SLC4A5: variants seen among roughly 807,000 people sequenced by gnomAD.
SLC4A5 encodes the protein solute carrier family 4 member 5.
In SLC4A5, 96 loss-of-function variants were observed where a neutral mutation model predicts 120.4. That is an observed-to-expected ratio of 0.80 (90% CI 0.68 to 0.94). The LOEUF (loss-of-function observed/expected upper bound fraction) is 0.94. SLC4A5 is among the 40% of genes least tolerant of loss of function. SLC4A5 has a pLI of 0.00. For synonymous variants in SLC4A5, 550 were observed against 571.1 expected (o/e 0.96, Z 0.53); for missense variants, 1,259 against 1,459.5 (o/e 0.86, Z 2.24).
intron 9 of SLC4A5, among the ~76,000 whole-genome samples, 190 bp from the exon 10 acceptor site, chr2:74,264,489 C>CGTGTGTGTGTGTGTGTGTGT (rs59538523): frequency 0.032 from 4,588 of 143,632 alleles, 86 homozygotes; most frequent in Middle Eastern, 0.048. Context: ...TTCAAGGGCA[C>CGTGTGTGTGTGTGTGTGTGT]GTGTGTGTGT....
chr2:74,243,576 C>T (rs1416439776), intron 19 of SLC4A5, among the ~76,000 whole-genome samples: 2 of 152,190 alleles, frequency 1.3e-5, no homozygotes, highest in African/African-American at 2.4e-5. Flanking sequence ...ATGATGGAGA[C>T]AGAGAAGCCG....
chr2:74,289,878 T>TATAAA (rs1023480620), intron 7 of SLC4A5, among the ~76,000 whole-genome samples: 2 of 152,118 alleles, frequency 1.3e-5, no homozygotes, highest in South Asian at 4.1e-4. Flanking sequence ...GAAAATAAAA[T>TATAAA]ATAAAATAAA....
intron 6 of SLC4A5, among the ~76,000 whole-genome samples, chr2:74,305,789 A>G (rs1672625456): frequency 6.9e-6 from 1 of 145,546 alleles, no homozygotes; most frequent in Non-Finnish European, 1.5e-5. Context: ...CAGTGGCACA[A>G]TCTTGGCTCA....
chr2:74,279,294 T>G (rs1671738241), intron 8 of SLC4A5, among the ~76,000 whole-genome samples: 1 of 152,210 alleles, frequency 6.6e-6, no homozygotes, highest in Admixed American at 6.5e-5. Context: ...CTACCCCTCC[T>G]CAGACTGCGG....
chr2:74,277,267 C>T (rs541184720), intron 8 of SLC4A5, among the ~76,000 whole-genome samples: 5 of 152,168 alleles, frequency 3.3e-5, no homozygotes, highest in East Asian at 1.9e-4. Flanking sequence ...GTACTGCTGC[C>T]GGCCAGGAGC....
chr2:74,293,368 T>C (rs1306177649), intron 7 of SLC4A5, among the ~76,000 whole-genome samples: 1 of 152,144 alleles, frequency 6.6e-6, no homozygotes, highest in South Asian at 2.1e-4. Context: ...CCTCCTCCCA[T>C]AAGGATGACC....
chr2:74,332,474 A>C (rs1219408558), intron 4 of SLC4A5, among the ~76,000 whole-genome samples: 1 of 152,104 alleles, frequency 6.6e-6, no homozygotes, highest in South Asian at 2.1e-4. Context: ...CCAGCTCCTC[A>C]TGGCTTCATT....
intron 7 of SLC4A5, among the ~76,000 whole-genome samples, chr2:74,302,125 C>T (rs1379611869): frequency 6.6e-6 from 1 of 152,052 alleles, no homozygotes; most frequent in Non-Finnish European, 1.5e-5. Context: ...CATGGGTACA[C>T]AAGACTTTAT....
exon 14 of SLC4A5, chr2:74,254,639 C>A: frequency 2.5e-6 from 4 of 1,614,026 alleles, no homozygotes; most frequent in Non-Finnish European, 3.4e-6. Flanking sequence ...ATGAGGGTTG[C>A]AATGGCACGG....
At chr2:74,221,564 TC>T in intron 29 of SLC4A5, 63 bp from the exon 30 acceptor site, 1 of 1,507,362 alleles carries the variant, frequency 6.6e-7, no homozygotes, top group South Asian at 1.1e-5. Context: ...TCTCCGGGCT[TC>T]CCCCACCATT....
intron 6 of SLC4A5, among the ~76,000 whole-genome samples, chr2:74,305,635 T>C (rs116167756): frequency 8.5e-4 from 129 of 151,962 alleles, no homozygotes; most frequent in Non-Finnish European, 1.6e-3. Flanking sequence ...CAATTATATA[T>C]CATATAGAAT....
chr2:74,221,579 T>C, intron 29 of SLC4A5, 78 bp from the exon 30 acceptor site: 4 of 1,412,626 alleles, frequency 2.8e-6, no homozygotes, highest in Non-Finnish European at 4.0e-6. Context: ...CACCATTTCC[T>C]TTCTTTTCCT....
chr2:74,221,887 G>A (rs992574985), intron 29 of SLC4A5, among the ~76,000 whole-genome samples: 4 of 152,158 alleles, frequency 2.6e-5, no homozygotes, highest in Admixed American at 2.6e-4. Flanking sequence ...CTAAGGTAGG[G>A]ATCTTTCAGA....
intron 2 of SLC4A5, among the ~76,000 whole-genome samples, chr2:74,340,147 T>C (rs1422230537): frequency 1.3e-5 from 2 of 152,196 alleles, no homozygotes; most frequent in Non-Finnish European, 2.9e-5. Flanking sequence ...AATGTGAATA[T>C]AATTAATGCC....
At chr2:74,291,825 C>A (rs1672182069) in intron 7 of SLC4A5, among the ~76,000 whole-genome samples, 1 of 152,204 alleles carries the variant, frequency 6.6e-6, no homozygotes, top group African/African-American at 2.4e-5. Flanking sequence ...CCAGGCCCTG[C>A]CTGAGGGTCC....
chr2:74,285,327 C>G (rs912058794), intron 8 of SLC4A5, among the ~76,000 whole-genome samples: 1 of 152,182 alleles, frequency 6.6e-6, no homozygotes, highest in African/African-American at 2.4e-5. Flanking sequence ...CCCACTTACA[C>G]AGGTTTTCTT....
At position 74,227,466 on chromosome 2, in the gene SLC4A5, C is replaced by T. The variant is rs748829962; in HGVS notation, c.2917-336G>A. 3.2e-6 allele frequency: 5 copies of T among 1,579,648 alleles called. No individual in the cohort carries two copies. In the African/African-American group the frequency reaches 4.1e-5, roughly 13 times the overall value. On this transcript the variant is annotated intron_variant, in intron 26 of 30. Transcript: ENST00000394019. The stretch of plus-strand genomic sequence containing the variant: ...ATACAGAACAAAACAAAAATGTTTT[C>T]TTCTGCATAGCTGCCTTAGGGAAGA...
At chr2:74,220,583 C>T (rs190361370) in intron 30 of SLC4A5, among the ~76,000 whole-genome samples, 28 of 151,770 alleles carry the variant, frequency 1.8e-4, no homozygotes, top group African/African-American at 6.3e-4. Flanking sequence ...GTGGCGTGAT[C>T]TCGGCTCACT....
intron 5 of SLC4A5, among the ~76,000 whole-genome samples, chr2:74,316,547 A>C (rs533913630): frequency 6.6e-6 from 1 of 152,300 alleles, no homozygotes; most frequent in East Asian, 1.9e-4. Context: ...ATTGAGAATA[A>C]GACTGACAGA....
Sources: gnomAD v4.1 joint callset for allele counts (sites outside exome capture counted in the v4.1 genomes callset) on GRCh38, gnomAD v4.1.1 for gene constraint, MANE v1.5 for transcripts, NCBI Gene and HGNC (gene_info 2026-07-23, HGNC 2026-07-21) for gene names.